TCF12: variants seen among roughly 807,000 people sequenced by gnomAD.
The protein encoded by TCF12 is DNA-binding protein HTF4.
A neutral mutation model predicts 86.0 loss-of-function variants in TCF12; 45 were observed. That is an observed-to-expected ratio of 0.52 (90% CI 0.41 to 0.67). The LOEUF is 0.67. TCF12 is among the 30% of genes least tolerant of loss of function. The pLI, the probability that TCF12 is intolerant of heterozygous loss-of-function variation, is 0.00. For missense variants in TCF12, 881 were observed against 859.9 expected, an observed-to-expected ratio of 1.02 and a Z score of -0.31; for synonymous variants, 330 against 299.6, an observed-to-expected ratio of 1.10 and a Z score of -1.05.
intron 18 of TCF12, among the ~76,000 whole-genome samples, chr15:57,270,762 T>C (rs1181397491): frequency 6.6e-6 from 1 of 152,156 alleles, no homozygotes; most frequent in Non-Finnish European, 1.5e-5. Flanking sequence ...GGATGTCCTT[T>C]TTGTTGATGT....
intron 6 of TCF12, among the ~76,000 whole-genome samples, chr15:57,179,095 A>G (rs2056157034): frequency 6.6e-6 from 1 of 152,190 alleles, no homozygotes; most frequent in South Asian, 2.1e-4. Flanking sequence ...ATTGCGACTA[A>G]TAATTAAAGA....
intron 8 of TCF12, among the ~76,000 whole-genome samples, chr15:57,228,026 G>A (rs1047115470): frequency 1.3e-5 from 2 of 152,032 alleles, no homozygotes; most frequent in South Asian, 2.1e-4. Flanking sequence ...AAAAAAACTG[G>A]CATCTATGTT....
intron 5 of TCF12, among the ~76,000 whole-genome samples, chr15:57,156,703 G>C (rs373688746): frequency 1.3e-5 from 2 of 152,190 alleles, no homozygotes; most frequent in African/African-American, 4.8e-5. Flanking sequence ...TTCCAGACCA[G>C]TGTTCTCTGA....
chr15:57,020,356 T>C (rs1440431882), intron 3 of TCF12, among the ~76,000 whole-genome samples: 2 of 152,222 alleles, frequency 1.3e-5, no homozygotes, highest in African/African-American at 2.4e-5. Flanking sequence ...TGTGTTTCTA[T>C]TTCTTAAAGT....
chr15:57,112,325 G>A (rs1351647401), intron 5 of TCF12, among the ~76,000 whole-genome samples: 9 of 152,172 alleles, frequency 5.9e-5, no homozygotes, highest in Non-Finnish European at 2.9e-5. Context: ...CAAGTCTCAG[G>A]CAGTTTTTTC....
intron 5 of TCF12, among the ~76,000 whole-genome samples, chr15:57,111,827 A>G (rs969278688): frequency 2.0e-5 from 3 of 152,208 alleles, no homozygotes. Flanking sequence ...TCCAGAGCTC[A>G]AGCAGTCCAC....
intron 16 of TCF12, among the ~76,000 whole-genome samples, chr15:57,257,933 G>A (rs529789285): frequency 5.9e-5 from 9 of 152,176 alleles, no homozygotes; most frequent in Middle Eastern, 3.4e-3. Context: ...TTTATTTAGC[G>A]TAAGGCTAAA....
chr15:56,961,615 A>G (rs967013071), intron 3 of TCF12, among the ~76,000 whole-genome samples: 1 of 152,236 alleles, frequency 6.6e-6, no homozygotes, highest in Admixed American at 6.5e-5. Flanking sequence ...GTAATTTACC[A>G]TAGATAACTT....
At chr15:57,038,443 G>A (rs2066658002) in intron 3 of TCF12, among the ~76,000 whole-genome samples, 1 of 148,414 alleles carries the variant, frequency 6.7e-6, no homozygotes, top group Non-Finnish European at 1.5e-5. Flanking sequence ...GAAGGTGGGG[G>A]TGGTGGAGAG....
Position 57,085,467 on chromosome 15 carries a change from G to A in TCF12, c.223-6322G>A, listed in dbSNP as rs536179133. The stretch of plus-strand genomic sequence containing the variant: ...TTAGTCACCTACTACATGCCCGTTA[G>A]TGTGCTTGTCCCTTGTGAGAGATTA... On this transcript the variant is annotated intron_variant, in intron 4 of 20. Transcript: ENST00000333725. Among the ~76,000 whole-genome samples, 26 of 152,270 alleles carry A rather than the reference G, an allele frequency of 1.7e-4. No individual in the cohort carries two copies. In the East Asian group the frequency reaches 3.1e-3, roughly 18 times the overall value.
intron 9 of TCF12, among the ~76,000 whole-genome samples, chr15:57,231,551 G>A (rs1389125652): frequency 6.6e-6 from 1 of 152,114 alleles, no homozygotes; most frequent in Non-Finnish European, 1.5e-5. Context: ...TGAAATGTAT[G>A]AAAACTGTTA....
intron 5 of TCF12, among the ~76,000 whole-genome samples, chr15:57,160,792 A>C (rs2054451749): frequency 6.6e-6 from 1 of 152,068 alleles, no homozygotes; most frequent in African/African-American, 2.4e-5. Context: ...TCCCAGGTTC[A>C]AGCAGTCCTC....
At chr15:57,086,911 A>G (rs2048674084) in intron 4 of TCF12, among the ~76,000 whole-genome samples, 1 of 152,120 alleles carries the variant, frequency 6.6e-6, no homozygotes, top group Non-Finnish European at 1.5e-5. Flanking sequence ...TTTTTAAATG[A>G]GCCGTTTTAA....
chr15:57,220,662 C>CA (rs1392094691), intron 8 of TCF12, among the ~76,000 whole-genome samples: 4 of 149,186 alleles, frequency 2.7e-5, no homozygotes, highest in Non-Finnish European at 5.9e-5. Context: ...TGTGTTTCTA[C>CA]AAAAAAATCT....
At chr15:57,044,399 A>G (rs1453813884) in intron 3 of TCF12, among the ~76,000 whole-genome samples, 1 of 151,496 alleles carries the variant, frequency 6.6e-6, no homozygotes, top group East Asian at 1.9e-4. Context: ...CCGTCTCTTA[A>G]AAAAAAAATT....
intron 3 of TCF12, among the ~76,000 whole-genome samples, chr15:57,018,629 G>T (rs1340849959): frequency 6.6e-6 from 1 of 151,694 alleles, no homozygotes; most frequent in Non-Finnish European, 1.5e-5. Context: ...TGCCCATCTT[G>T]TATTTTTTGC....
At chr15:57,065,065 T>C (rs555372893) in intron 4 of TCF12, among the ~76,000 whole-genome samples, 7 of 152,304 alleles carry the variant, frequency 4.6e-5, no homozygotes, top group South Asian at 4.1e-4. Context: ...TTTACTGTTA[T>C]ATCTGGCTGT....
chr15:57,162,749 T>G (rs1354208140), intron 5 of TCF12, among the ~76,000 whole-genome samples: 3 of 152,230 alleles, frequency 2.0e-5, no homozygotes, highest in Non-Finnish European at 4.4e-5. Context: ...CACAGATAAT[T>G]AAGATTGTAT....
intron 7 of TCF12, among the ~76,000 whole-genome samples, chr15:57,193,677 T>A (rs1447982438): frequency 6.6e-6 from 1 of 152,250 alleles, no homozygotes; most frequent in African/African-American, 2.4e-5. Context: ...CACAGGCATT[T>A]GATGACTGCT....
Sources: gnomAD v4.1 joint callset for allele counts (sites outside exome capture counted in the v4.1 genomes callset) on GRCh38, gnomAD v4.1.1 for gene constraint, MANE v1.5 for transcripts, NCBI Gene and HGNC (gene_info 2026-07-23, HGNC 2026-07-21) for gene names.